Variants in COPG2 observed in about 807,000 individuals in gnomAD.
COPG2 encodes the protein coat protein complex I subunit gamma 2.
A neutral mutation model predicts 46.3 loss-of-function variants in COPG2; 37 were observed. The observed-to-expected ratio is 0.80, with a 90% CI of 0.61 to 1.05. The LOEUF (loss-of-function observed/expected upper bound fraction) is 1.05, where lower values mean the gene tolerates loss of function less well. Ranked by LOEUF, COPG2 falls within the 50% of genes least tolerant of loss-of-function variation. COPG2 has a pLI of 0.00. For synonymous variants in COPG2, 159 were observed against 129.7 expected, an observed-to-expected ratio of 1.23 and a Z score of -1.53; for missense variants, 427 against 387.8, an observed-to-expected ratio of 1.10 and a Z score of -0.85.
At chr7:130,567,961 T>A (rs1291857926) in intron 9 of COPG2, among the ~76,000 whole-genome samples, 5 of 152,144 alleles carry the variant, frequency 3.3e-5, no homozygotes, top group Non-Finnish European at 5.9e-5. Flanking sequence ...GAATAGTACC[T>A]CACTCACATC....
intron 5 of COPG2, among the ~76,000 whole-genome samples, chr7:130,640,587 G>A (rs376709085): frequency 7.0e-4 from 107 of 152,178 alleles, no homozygotes; most frequent in African/African-American, 2.5e-3. Flanking sequence ...GTTTTGAGAC[G>A]TGGCATCACT....
intron 5 of COPG2, among the ~76,000 whole-genome samples, chr7:130,642,879 T>G (rs1795519786): frequency 6.6e-6 from 1 of 151,706 alleles, no homozygotes; most frequent in Admixed American, 6.6e-5. Context: ...AAAAATTAGC[T>G]GGGCGTGGTG....
chr7:130,667,626 G>A (rs973279208), intron 1 of COPG2, 92 bp from the exon 2 acceptor site: 6 of 941,550 alleles, frequency 6.4e-6, no homozygotes, highest in Admixed American at 3.9e-5. Context: ...TGCTTGGGAA[G>A]TGAACACTTG....
intron 12 of COPG2, among the ~76,000 whole-genome samples, chr7:130,557,465 C>A (rs1239507972): frequency 6.6e-6 from 1 of 152,090 alleles, no homozygotes; most frequent in Non-Finnish European, 1.5e-5. Context: ...AAAATGTCAA[C>A]AGGGTTTTTT....
chr7:130,626,960 G>A (rs1795131649), intron 5 of COPG2, among the ~76,000 whole-genome samples: 2 of 152,206 alleles, frequency 1.3e-5, no homozygotes, highest in African/African-American at 2.4e-5. Context: ...ACTGGCTCAT[G>A]GCAAACCTCC....
At chr7:130,577,294 C>T (rs879973177) in intron 9 of COPG2, among the ~76,000 whole-genome samples, 10 of 152,162 alleles carry the variant, frequency 6.6e-5, no homozygotes, top group Non-Finnish European at 1.2e-4. Flanking sequence ...AGACAGTGGG[C>T]GCAGGTCAGT....
chr7:130,537,078 G>T, intron 20 of COPG2, among the ~76,000 whole-genome samples: 1 of 152,228 alleles, frequency 6.6e-6, no homozygotes, highest in East Asian at 1.9e-4. Context: ...GGTTGAGACT[G>T]GGTGCATTCG....
At chr7:130,519,430 A>T (rs1477772316) in intron 20 of COPG2, among the ~76,000 whole-genome samples, 2 of 152,200 alleles carry the variant, frequency 1.3e-5, no homozygotes, top group African/African-American at 4.8e-5. Context: ...GTGGAAAGAG[A>T]TTAAGTACAA....
intron 5 of COPG2, among the ~76,000 whole-genome samples, chr7:130,646,197 C>T (rs183524691): frequency 1.3e-5 from 2 of 152,332 alleles, no homozygotes; most frequent in East Asian, 3.9e-4. Context: ...TTGGGTAAGG[C>T]TGAACCAAAT....
intron 9 of COPG2, among the ~76,000 whole-genome samples, chr7:130,581,892 G>A (rs1294366265): frequency 1.4e-5 from 2 of 148,118 alleles, no homozygotes; most frequent in Non-Finnish European, 3.0e-5. Context: ...TGGGTAGGAA[G>A]AATCAATATC....
intron 5 of COPG2, among the ~76,000 whole-genome samples, chr7:130,619,498 GCCCT>G (rs1795002665): frequency 1.3e-5 from 2 of 152,050 alleles, no homozygotes; most frequent in Non-Finnish European, 2.9e-5. Context: ...TCTCTCATCT[GCCCT>G]CCCGTGTATC....
Position 130,668,711 on chromosome 7 carries a change from A to C in COPG2, c.-43T>G. ...CGCCCAGACCCACCGCAACCGTCCC[A>C]GGCGCCGCAGCCGGCGAGCGGAAGA... is the stretch of plus-strand genomic sequence containing the variant. On this transcript the variant is annotated 5_prime_UTR_variant, in exon 1 of 24. Transcript: ENST00000425248. The C allele has an allele frequency of 6.6e-7, 1 of 1,511,084 alleles. No individual in the cohort carries two copies. Among genetic ancestry groups the C allele is most frequent in the Non-Finnish European group, 8.9e-7 (1 of 1,129,518 alleles). The allele number at this position is 1,511,084 out of a possible 1,614,324, so 93.6% of individuals were successfully genotyped here.
At chr7:130,628,516 T>C (rs1795162296) in intron 5 of COPG2, among the ~76,000 whole-genome samples, 1 of 152,222 alleles carries the variant, frequency 6.6e-6, no homozygotes, top group African/African-American at 2.4e-5. Flanking sequence ...TATTTTTATA[T>C]ATGCTTTAAA....
rs781861446 is a variant in COPG2, at chr7:130,610,516, C to T, written c.737+437G>A. ...AAAAGATTTCTCATTCCTGCCCTTC[C>T]CTAGCCTTCGAAAGACTGCTAAAGT... On this transcript the variant is annotated intron_variant, in intron 9 of 23. Coordinates refer to ENST00000425248, the MANE Select transcript of COPG2 (RefSeq NM_012133.6). The T allele has an allele frequency of 1.5e-5, 8 of 519,694 alleles. No individual in the cohort carries two copies. The Admixed American group carries it at 1.6e-4, about 10-fold the overall frequency. The allele number at this position is 519,694 out of a possible 1,614,324, so 32.2% of individuals were successfully genotyped here.
At chr7:130,524,419 C>T (rs920459792) in intron 20 of COPG2, among the ~76,000 whole-genome samples, 157 of 152,232 alleles carry the variant, frequency 1.0e-3, no homozygotes, top group African/African-American at 3.3e-3. Flanking sequence ...GACCAACCTG[C>T]GCCCCAGGGG....
intron 4 of COPG2, among the ~76,000 whole-genome samples, chr7:130,660,704 G>A (rs1554460613): frequency 6.6e-6 from 1 of 151,782 alleles, no homozygotes; most frequent in Non-Finnish European, 1.5e-5. Flanking sequence ...TTCATTCCTC[G>A]ACCTCCTCTT....
chr7:130,549,468 A>G, intron 17 of COPG2, 92 bp from the exon 18 acceptor site: 1 of 397,884 alleles, frequency 2.5e-6, no homozygotes, highest in East Asian at 3.6e-5. Flanking sequence ...AGACATTTCT[A>G]GCAGATATAT....
chr7:130,552,676 G>C (rs1346844785), intron 14 of COPG2, among the ~76,000 whole-genome samples: 1 of 152,118 alleles, frequency 6.6e-6, no homozygotes, highest in East Asian at 1.9e-4. Flanking sequence ...TAGATTTTCT[G>C]TAGGAGCTAT....
intron 20 of COPG2, among the ~76,000 whole-genome samples, chr7:130,520,851 C>G (rs1436308021): frequency 1.3e-5 from 2 of 152,098 alleles, no homozygotes; most frequent in Non-Finnish European, 2.9e-5. Flanking sequence ...GTATAGAAGG[C>G]AAATGCAATT....
Sources: gnomAD v4.1 joint callset for allele counts (sites outside exome capture counted in the v4.1 genomes callset) on GRCh38, gnomAD v4.1.1 for gene constraint, MANE v1.5 for transcripts, NCBI Gene and HGNC (gene_info 2026-07-23, HGNC 2026-07-21) for gene names.